The following BRINP3 variants were observed in gnomAD, a reference collection of about 807,000 sequenced individuals.
The protein encoded by BRINP3 is BMP/retinoic acid-inducible neural-specific protein 3.
A neutral mutation model predicts 71.0 loss-of-function variants in BRINP3; 19 were observed. The observed-to-expected ratio is 0.27, with a 90% confidence interval of 0.19 to 0.39. The LOEUF (loss-of-function observed/expected upper bound fraction) is 0.39. BRINP3 is among the 10% of genes least tolerant of loss of function. BRINP3 has a pLI of 1.00. For synonymous variants in BRINP3, 380 were observed against 337.7 expected, an observed-to-expected ratio of 1.13 and a Z score of -1.37; for missense variants, 959 against 940.8, an observed-to-expected ratio of 1.02 and a Z score of -0.25.
intron 4 of BRINP3, among the ~76,000 whole-genome samples, chr1:190,255,908 G>T (rs891601265): frequency 6.6e-6 from 1 of 152,114 alleles, no homozygotes; most frequent in African/African-American, 2.4e-5. Flanking sequence ...AGTATTTAGT[G>T]CTATAAATTT....
chr1:190,343,206 G>C (rs1667785294), intron 2 of BRINP3, among the ~76,000 whole-genome samples: 1 of 151,784 alleles, frequency 6.6e-6, no homozygotes, highest in South Asian at 2.1e-4. Context: ...GAGGAAGAGT[G>C]AATTAAAAAG....
intron 7 of BRINP3, among the ~76,000 whole-genome samples, chr1:190,148,422 T>C (rs1258757090): frequency 1.3e-5 from 2 of 151,202 alleles, no homozygotes; most frequent in Non-Finnish European, 2.9e-5. Flanking sequence ...AGAAACCCCA[T>C]CTCTACTAAA....
At chr1:190,319,475 A>G (rs1321505238) in intron 2 of BRINP3, among the ~76,000 whole-genome samples, 1 of 152,138 alleles carries the variant, frequency 6.6e-6, no homozygotes, top group Non-Finnish European at 1.5e-5. Context: ...ATATAAAGAA[A>G]CATTTGAGGC....
chr1:190,218,142 G>A (rs1644692072), intron 6 of BRINP3, among the ~76,000 whole-genome samples: 1 of 151,510 alleles, frequency 6.6e-6, no homozygotes, highest in Admixed American at 6.6e-5. Flanking sequence ...CGGGCTCCTA[G>A]ATAAAGAAAT....
chr1:190,125,431 T>TG (rs1311852863), intron 7 of BRINP3, among the ~76,000 whole-genome samples: 1 of 151,858 alleles, frequency 6.6e-6, no homozygotes, highest in Non-Finnish European at 1.5e-5. Context: ...TTAAAACATA[T>TG]TTTTTTCTCC....
intron 7 of BRINP3, among the ~76,000 whole-genome samples, chr1:190,104,155 A>C (rs950637474): frequency 7.2e-5 from 11 of 152,024 alleles, no homozygotes; most frequent in African/African-American, 2.7e-4. Flanking sequence ...CCTCAGGGAA[A>C]ACAGTCATTT....
At chr1:190,252,352 A>G (rs1475738858) in intron 4 of BRINP3, among the ~76,000 whole-genome samples, 1 of 152,116 alleles carries the variant, frequency 6.6e-6, no homozygotes, top group Admixed American at 6.6e-5. Context: ...TTATAAAAAT[A>G]GATAGCAACT....
chr1:190,461,527 T>C (rs997990345), intron 1 of BRINP3, among the ~76,000 whole-genome samples: 1 of 152,126 alleles, frequency 6.6e-6, no homozygotes, highest in Non-Finnish European at 1.5e-5. Context: ...TTCCTTCAAT[T>C]AGATTAATTT....
chr1:190,249,537 GA>G (rs1232936856), intron 4 of BRINP3, among the ~76,000 whole-genome samples: 1 of 151,722 alleles, frequency 6.6e-6, no homozygotes, highest in Non-Finnish European at 1.5e-5. Flanking sequence ...TAAGCATCAA[GA>G]AAAGTAAAAT....
At chr1:190,100,288 GT>G (rs1422988277) in intron 7 of BRINP3, among the ~76,000 whole-genome samples, 1 of 152,030 alleles carries the variant, frequency 6.6e-6, no homozygotes, top group African/African-American at 2.4e-5. Flanking sequence ...TATATATGCT[GT>G]ACTCAATCCT....
In BRINP3 at chr1:190,393,240, G is replaced by A. The variant is rs564133828; in HGVS notation, c.236+61415C>T. On this transcript the variant is annotated intron_variant, in intron 2 of 7. Transcript: ENST00000367462. ...TTAAATACATATTCATGTACATAGT[G>A]TCAGACAAGGGATCAATAAGTGGAG... Among the ~76,000 whole-genome samples the A allele has an allele frequency of 5.3e-5, 8 of 151,704 alleles. No homozygotes were observed. The East Asian group carries it at 1.6e-3, about 29-fold the overall frequency.
intron 2 of BRINP3, among the ~76,000 whole-genome samples, chr1:190,441,967 A>G (rs1261956966): frequency 1.3e-5 from 2 of 152,160 alleles, no homozygotes; most frequent in African/African-American, 4.8e-5. Context: ...GGAATTAGAA[A>G]GCATGAGTTA....
At position 190,401,424 on chromosome 1, in the gene BRINP3, G is replaced by T. The variant is rs565259713; in HGVS notation, c.236+53231C>A. Among the ~76,000 whole-genome samples the T allele has an allele frequency of 2.1e-5, 3 of 140,138 alleles. No individual in the cohort carries two copies. In the South Asian group the frequency reaches 7.0e-4, roughly 33 times the overall value. The allele number at this position is 140,138 out of a possible 152,430, so 91.9% of individuals were successfully genotyped here. ...GAAAAGAAAAGCAAACAATCAAAAA[G>T]CTAGGGTTTCATTGTGTTTTGAAGC... On this transcript the variant is annotated intron_variant, in intron 2 of 7. Coordinates refer to ENST00000367462, the MANE Select transcript of BRINP3 (RefSeq NM_199051.3).
chr1:190,136,148 A>G (rs978675189), intron 7 of BRINP3, among the ~76,000 whole-genome samples: 3 of 152,122 alleles, frequency 2.0e-5, no homozygotes, highest in Non-Finnish European at 4.4e-5. Flanking sequence ...CCAATACAGT[A>G]CAATCATATT....
intron 2 of BRINP3, among the ~76,000 whole-genome samples, chr1:190,448,470 T>G (rs938957275): frequency 9.3e-5 from 14 of 150,760 alleles, no homozygotes; most frequent in Non-Finnish European, 1.9e-4. Context: ...GGTTTGTGTG[T>G]GTGTGTGTGT....
chr1:190,201,333 C>A (rs1452471361), intron 6 of BRINP3, among the ~76,000 whole-genome samples: 10 of 151,850 alleles, frequency 6.6e-5, no homozygotes, highest in African/African-American at 4.8e-5. Context: ...AGAAGAAATT[C>A]CTAAGCAGCA....
intron 2 of BRINP3, among the ~76,000 whole-genome samples, chr1:190,388,186 T>C (rs1449006052): frequency 1.3e-5 from 2 of 151,812 alleles, no homozygotes; most frequent in African/African-American, 4.8e-5. Flanking sequence ...GAATGGAAAT[T>C]ATGTTCCATT....
intron 7 of BRINP3, among the ~76,000 whole-genome samples, chr1:190,142,195 G>C (rs905980453): frequency 1.3e-5 from 2 of 152,092 alleles, no homozygotes; most frequent in Middle Eastern, 3.2e-3. Flanking sequence ...CAGAAAAAAA[G>C]TGCTTGCCTC....
intron 7 of BRINP3, among the ~76,000 whole-genome samples, chr1:190,105,603 T>C (rs188067822): frequency 6.6e-6 from 1 of 152,090 alleles, no homozygotes; most frequent in African/African-American, 2.4e-5. Context: ...ATCTAGCAGC[T>C]AGTGAGTGTC....
Sources: gnomAD v4.1 joint callset for allele counts (sites outside exome capture counted in the v4.1 genomes callset) on GRCh38, gnomAD v4.1.1 for gene constraint, MANE v1.5 for transcripts, NCBI Gene and HGNC (gene_info 2026-07-23, HGNC 2026-07-21) for gene names.